MRPS28: variants seen among roughly 807,000 people sequenced by gnomAD.
MRPS28 encodes the protein small ribosomal subunit protein bS1m.
Under a neutral mutation model 10.8 loss-of-function variants are expected in MRPS28, and 7 were observed. That is an observed-to-expected ratio of 0.65 (90% CI 0.37 to 1.22). The LOEUF (loss-of-function observed/expected upper bound fraction) is 1.22, where lower values mean the gene tolerates loss of function less well. Among genes scored for constraint, MRPS28 ranks in the 50% most tolerant of loss-of-function variants. The pLI is 0.02. For missense variants in MRPS28, 265 were observed against 232.9 expected (o/e 1.14, Z -0.90); for synonymous variants, 121 against 93.3 (o/e 1.30, Z -1.71).
At chr8:79,988,028 T>C (rs1280740921) in intron 2 of MRPS28, among the ~76,000 whole-genome samples, 1 of 151,816 alleles carries the variant, frequency 6.6e-6, no homozygotes, top group Non-Finnish European at 1.5e-5. Context: ...AACCCAAATG[T>C]CCAACAATGA....
At chr8:79,977,214 A>G (rs1807825599) in intron 2 of MRPS28, among the ~76,000 whole-genome samples, 2 of 152,252 alleles carry the variant, frequency 1.3e-5, no homozygotes, top group African/African-American at 2.4e-5. Flanking sequence ...ATGTACTAAA[A>G]TGAGTGGTGG....
intron 2 of MRPS28, among the ~76,000 whole-genome samples, chr8:79,922,940 T>C (rs1247006850): frequency 6.6e-6 from 1 of 152,142 alleles, no homozygotes; most frequent in African/African-American, 2.4e-5. Flanking sequence ...AGACTACATA[T>C]GATTAGTCTC....
At chr8:79,921,121 AG>A (rs1294564257) in intron 2 of MRPS28, among the ~76,000 whole-genome samples, 1 of 151,846 alleles carries the variant, frequency 6.6e-6, no homozygotes, top group Non-Finnish European at 1.5e-5. Flanking sequence ...ATTATTTCTG[AG>A]GGCTCCATTC....
intron 2 of MRPS28, among the ~76,000 whole-genome samples, chr8:79,923,327 T>C (rs1810142690): frequency 6.6e-6 from 1 of 152,192 alleles, no homozygotes; most frequent in Non-Finnish European, 1.5e-5. Flanking sequence ...ACCTATGACC[T>C]CTTGAAAGAA....
chr8:79,926,149 AC>A (rs1563517939), intron 2 of MRPS28, among the ~76,000 whole-genome samples: 1 of 152,184 alleles, frequency 6.6e-6, no homozygotes, highest in African/African-American at 2.4e-5. Context: ...GGGAAAAAAA[AC>A]CAAAGAAACA....
At chr8:80,001,347 A>G (rs1355944922) in intron 2 of MRPS28, among the ~76,000 whole-genome samples, 1 of 152,192 alleles carries the variant, frequency 6.6e-6, no homozygotes, top group Non-Finnish European at 1.5e-5. Context: ...AGTACCTAAG[A>G]GCTGAGGATA....
At chr8:79,930,355 T>A (rs972124521) in intron 2 of MRPS28, among the ~76,000 whole-genome samples, 11 of 152,256 alleles carry the variant, frequency 7.2e-5, no homozygotes, top group African/African-American at 2.4e-4. Context: ...CTTTAATCTC[T>A]GTCAGTGTTG....
At chr8:79,930,549 A>G (rs1806435216) in intron 2 of MRPS28, among the ~76,000 whole-genome samples, 1 of 152,222 alleles carries the variant, frequency 6.6e-6, no homozygotes, top group Non-Finnish European at 1.5e-5. Flanking sequence ...ACCACCTGCC[A>G]TATGTGCTCC....
At chr8:79,972,368 A>G (rs545918444) in intron 2 of MRPS28, among the ~76,000 whole-genome samples, 2 of 152,188 alleles carry the variant, frequency 1.3e-5, no homozygotes, top group Non-Finnish European at 2.9e-5. Context: ...CCTATACCCC[A>G]TTTTGTTTAT....
At chr8:80,014,331 A>C (rs1173707696) in intron 1 of MRPS28, among the ~76,000 whole-genome samples, 2 of 152,184 alleles carry the variant, frequency 1.3e-5, no homozygotes, top group East Asian at 3.8e-4. Flanking sequence ...AAATCAAACA[A>C]ATTGTACAGA....
chr8:79,953,267 G>A (rs1563524810), intron 2 of MRPS28, among the ~76,000 whole-genome samples: 1 of 152,186 alleles, frequency 6.6e-6, no homozygotes, highest in Non-Finnish European at 1.5e-5. Flanking sequence ...TTGCTGCAGA[G>A]GACAGAGAGT....
At chr8:79,960,284 T>C (rs936816541) in intron 2 of MRPS28, among the ~76,000 whole-genome samples, 1 of 152,146 alleles carries the variant, frequency 6.6e-6, no homozygotes, top group African/African-American at 2.4e-5. Context: ...CTGCAGGCTG[T>C]AGACCTTGCC....
At chr8:79,951,684 T>C (rs1807083543) in intron 2 of MRPS28, among the ~76,000 whole-genome samples, 1 of 152,084 alleles carries the variant, frequency 6.6e-6, no homozygotes, top group South Asian at 2.1e-4. Context: ...TATGAAGGAA[T>C]GCAGAGAAAC....
chr8:79,987,057 G>A (rs1424999449), intron 2 of MRPS28, among the ~76,000 whole-genome samples: 1 of 151,764 alleles, frequency 6.6e-6, no homozygotes, highest in Non-Finnish European at 1.5e-5. Context: ...AAAACAGCAT[G>A]GTACTGGTAC....
chr8:80,003,023 C>T lies in MRPS28; in HGVS notation c.371G>A (p.Cys124Tyr). The T allele has an allele frequency of 6.2e-7, 1 of 1,600,216 alleles. No homozygotes were observed. The highest frequency in any genetic ancestry group is 1.1e-5 in the South Asian group (1 of 87,474). The change falls in exon 2 of 3, where the codon TGT (cysteine) becomes TAT (tyrosine). Residue 124 changes from cysteine to tyrosine, a missense_variant. Physicochemically the swap from Cys to Tyr is radical, Grantham distance 194. Transcript: ENST00000276585. ...IDFGGKFHCVCRRPEVDGEKY... is the reference protein window; with the variant it reads ...IDFGGKFHCVYRRPEVDGEKY... ...CTCTCCATCCACTTCTGGTCTTCTA[C>T]ATACACAATGAAACTTTCCACCAAA...
intron 2 of MRPS28, among the ~76,000 whole-genome samples, chr8:79,919,644 C>T (rs1037165857): frequency 2.0e-5 from 3 of 152,150 alleles, no homozygotes; most frequent in African/African-American, 4.8e-5. Context: ...GAATTTTCAT[C>T]TTAAAAGTTG....
At chr8:79,964,835 TCTA>T (rs1362162945) in intron 2 of MRPS28, among the ~76,000 whole-genome samples, 3 of 152,088 alleles carry the variant, frequency 2.0e-5, no homozygotes, top group African/African-American at 7.2e-5. Context: ...CTGCCATGAT[TCTA>T]CTACTATTAA....
intron 2 of MRPS28, among the ~76,000 whole-genome samples, chr8:79,938,654 C>T (rs1291480732): frequency 1.3e-5 from 2 of 152,158 alleles, no homozygotes; most frequent in Non-Finnish European, 2.9e-5. Context: ...TGGCAAAGTG[C>T]ATCTGTTTAG....
At chr8:80,004,060 G>A (rs191050815) in intron 1 of MRPS28, among the ~76,000 whole-genome samples, 91 of 152,332 alleles carry the variant, frequency 6.0e-4, no homozygotes, top group African/African-American at 1.8e-3. Flanking sequence ...ACCTCTGGGG[G>A]CAGGGCATAG....
Sources: allele counts gnomAD v4.1 joint callset (sites outside exome capture counted in the v4.1 genomes callset), GRCh38; gene constraint gnomAD v4.1.1; transcripts MANE v1.5; gene names NCBI Gene and HGNC (gene_info 2026-07-23, HGNC 2026-07-21).